Variants in ANKRD11 observed in about 807,000 individuals in gnomAD.
ANKRD11 encodes ankyrin repeat domain 11, also known as ankyrin repeat domain-containing protein 11.
Under a neutral mutation model 195.7 loss-of-function variants are expected in ANKRD11, and 17 were observed. The observed-to-expected ratio is 0.09, with a 90% CI of 0.06 to 0.13. The LOEUF is 0.13. Ranked by LOEUF, ANKRD11 falls within the 10% of genes least tolerant of loss-of-function variation. ANKRD11 has a pLI of 1.00. For synonymous variants in ANKRD11, 1,953 were observed against 1,528.1 expected (o/e 1.28, Z -6.49); for missense variants, 3,735 against 3,566.1 (o/e 1.05, Z -1.21).
intron 2 of ANKRD11, among the ~76,000 whole-genome samples, chr16:89,348,080 C>T (rs760827009): frequency 9.9e-5 from 15 of 152,058 alleles, no homozygotes; most frequent in South Asian, 2.1e-4. Context: ...ACTACAGGCG[C>T]GCCACCCTGC....
chr16:89,350,944 C>A (rs532903129), intron 2 of ANKRD11, among the ~76,000 whole-genome samples: 80 of 152,302 alleles, frequency 5.3e-4, no homozygotes, highest in Admixed American at 1.4e-3. Flanking sequence ...ACAGGCTCTA[C>A]CATGTAGCTT....
chr16:89,293,440 G>A (rs2035196895), intron 4 of ANKRD11, among the ~76,000 whole-genome samples: 1 of 151,596 alleles, frequency 6.6e-6, no homozygotes, highest in Non-Finnish European at 1.5e-5. Context: ...GCAGAGTTGG[G>A]GTTGCGGAGG....
chr16:89,286,294 A>G, intron 7 of ANKRD11, 108 bp from the exon 8 acceptor site: 2 of 1,490,680 alleles, frequency 1.3e-6, no homozygotes, highest in Middle Eastern at 2.4e-4. Context: ...TCGACCCGAG[A>G]GCAGCCCCTC....
chr16:89,376,997 A>G (rs1205488855), intron 2 of ANKRD11, among the ~76,000 whole-genome samples: 1 of 152,212 alleles, frequency 6.6e-6, no homozygotes, highest in Non-Finnish European at 1.5e-5. Flanking sequence ...ACAAGGCTGG[A>G]AAGAACCCCT....
At chr16:89,386,201 T>C (rs2040903166) in intron 2 of ANKRD11, among the ~76,000 whole-genome samples, 1 of 152,034 alleles carries the variant, frequency 6.6e-6, no homozygotes. Context: ...TAAAACAAAA[T>C]GGAAATCCAC....
chr16:89,283,473 T>G lies in ANKRD11; in HGVS notation c.3069A>C (p.Thr1023=), dbSNP rs749876399. 2.5e-5 allele frequency: 41 copies of G among 1,614,222 alleles called. 1 individual carries two copies. In the South Asian group the frequency reaches 4.4e-4, roughly 17 times the overall value. The change falls in exon 9 of 13, where the codon ACA becomes ACC. Residue 1023 remains threonine, a synonymous_variant. Coordinates refer to ENST00000301030, the MANE Select transcript of ANKRD11 (RefSeq NM_013275.6). The surrounding 1 kb of genome is among the most constrained non-coding windows in gnomAD (Gnocchi z 4.3). The part of the protein sequence containing the change: ...DGPDKERKEK[T]KPERYKEKSS... ...ATTTCTCTTTGTATCTTTCTGGTTT[T>G]GTCTTCTCCTTCCTTTCCTTATCGG...
intron 1 of ANKRD11, among the ~76,000 whole-genome samples, chr16:89,489,530 G>A (rs2057739148): frequency 6.6e-6 from 1 of 150,660 alleles, no homozygotes. Flanking sequence ...TCCCCCTCCG[G>A]CTCGGAGCCC....
intron 1 of ANKRD11, among the ~76,000 whole-genome samples, chr16:89,441,567 A>G (rs1336591409): frequency 6.6e-6 from 1 of 152,006 alleles, no homozygotes; most frequent in East Asian, 1.9e-4. Context: ...GCAGATGGAG[A>G]CCATCCTGGC....
At chr16:89,337,631 G>A (rs1380973989) in intron 2 of ANKRD11, among the ~76,000 whole-genome samples, 1 of 151,464 alleles carries the variant, frequency 6.6e-6, no homozygotes, top group Non-Finnish European at 1.5e-5. Context: ...TAGTAGAGAT[G>A]GGGTTTCACC....
chr16:89,279,646 G>A lies in ANKRD11; in HGVS notation c.6896C>T (p.Ala2299Val), dbSNP rs999284780. 1.3e-5 allele frequency: 18 copies of A among 1,439,896 alleles called. No homozygotes were observed. In the African/African-American group the frequency reaches 1.7e-4, roughly 14 times the overall value. The allele number at this position is 1,439,896 out of a possible 1,614,324, so 89.2% of individuals were successfully genotyped here. ...GPEDDTEASR[A>V]AAPAEGPPGG... is the part of the protein sequence containing the mutation. ...AGGAGGGCCTTCGGCTGGGGCGGCGGCACGGGAGGCCTCAGTGTCGTCCTC... is the reference window on the plus strand; with the variant it reads ...AGGAGGGCCTTCGGCTGGGGCGGCGACACGGGAGGCCTCAGTGTCGTCCTC... The change falls in exon 9 of 13, where the codon GCC (alanine) becomes GTC (valine). Residue 2299 changes from alanine (A) to valine (V), a missense_variant. By Grantham distance (64) the Ala-to-Val change is moderately conservative (BLOSUM62 0). Coordinates refer to ENST00000301030, the MANE Select transcript of ANKRD11 (RefSeq NM_013275.6). This position sits in a 1 kb window ranked among gnomAD's most constrained non-coding sequence, Gnocchi z 5.6.
In ANKRD11 at chr16:89,291,214, G is replaced by C. The variant is rs150957259; in HGVS notation, c.227-31C>G. The stretch of plus-strand genomic sequence containing the variant: ...AGGCGGGCGAGGGAGAGAGGGAGGA[G>C]AGATTTCATGCCATGGTGTCCTCCA... On this transcript the variant is annotated intron_variant, in intron 4 of 12. Coordinates refer to ENST00000301030, the MANE Select transcript of ANKRD11 (RefSeq NM_013275.6). This position sits in a 1 kb window ranked among gnomAD's most constrained non-coding sequence, Gnocchi z 5.3. 21 of 1,610,282 alleles carry C rather than the reference G, an allele frequency of 1.3e-5. No individual in the cohort carries two copies. The highest frequency in any genetic ancestry group is 3.3e-4 in the Middle Eastern group (2 of 6,062).
chr16:89,401,897 T>G (rs1322766350), intron 2 of ANKRD11, among the ~76,000 whole-genome samples: 1 of 139,850 alleles, frequency 7.2e-6, no homozygotes, highest in African/African-American at 2.7e-5. Flanking sequence ...CACCAGAGAC[T>G]CCCCCATCCC....
chr16:89,295,050 A>G (rs1204267914), intron 4 of ANKRD11, among the ~76,000 whole-genome samples: 1 of 152,242 alleles, frequency 6.6e-6, no homozygotes, highest in Admixed American at 6.5e-5. Flanking sequence ...AATGGTATTC[A>G]CCAAGTTGCA....
At position 89,283,594 on chromosome 16, in the gene ANKRD11, C is replaced by G. The variant is rs1324787108; in HGVS notation, c.2948G>C (p.Ser983Thr). 2 of 1,610,056 alleles carry G rather than the reference C, an allele frequency of 1.2e-6. No homozygotes were observed. Among genetic ancestry groups the G allele is most frequent in the East Asian group, 4.5e-5 (2 of 44,878 alleles). ...REELKECGCESGFKDKSDGDF... is the reference protein window; with the variant it reads ...REELKECGCETGFKDKSDGDF... ...GCCGTCGGACTTGTCCTTGAAGCCA[C>G]TCTCGCAGCCACACTCCTTCAGCTC... The change falls in exon 9 of 13, where the codon AGT (serine) becomes ACT (threonine). Residue 983 changes from serine to threonine, a missense_variant. Ser to Thr is a moderately conservative substitution (Grantham distance 58, BLOSUM62 1). Coordinates refer to ENST00000301030, the MANE Select transcript of ANKRD11 (RefSeq NM_013275.6). The surrounding 1 kb of genome is among the most constrained non-coding windows in gnomAD (Gnocchi z 4.3).
intron 2 of ANKRD11, among the ~76,000 whole-genome samples, chr16:89,387,074 G>A (rs1378183792): frequency 1.3e-5 from 2 of 152,154 alleles, no homozygotes; most frequent in African/African-American, 4.8e-5. Context: ...AGGAGCCACA[G>A]AAGGCCCCAG....
At chr16:89,401,239 C>T (rs558256466) in intron 2 of ANKRD11, among the ~76,000 whole-genome samples, 6 of 152,170 alleles carry the variant, frequency 3.9e-5, no homozygotes, top group Admixed American at 1.3e-4. Context: ...CCACCACGCC[C>T]GGCTAACATT....
chr16:89,471,943 C>T (rs2057099472), intron 1 of ANKRD11, among the ~76,000 whole-genome samples: 1 of 152,058 alleles, frequency 6.6e-6, no homozygotes, highest in Non-Finnish European at 1.5e-5. Flanking sequence ...CTATGACCCT[C>T]GAGGCATGCA....
intron 1 of ANKRD11, among the ~76,000 whole-genome samples, chr16:89,435,320 G>A (rs2043167397): frequency 6.6e-6 from 1 of 152,180 alleles, no homozygotes. Context: ...CAGTACGTGG[G>A]CAGGGCCGAA....
chr16:89,317,374 A>G (rs1039136520), intron 2 of ANKRD11, among the ~76,000 whole-genome samples: 3 of 152,336 alleles, frequency 2.0e-5, no homozygotes, highest in South Asian at 4.1e-4. Flanking sequence ...GGTGGCAGTC[A>G]GCAGCACCTG....
Sources: allele counts gnomAD v4.1 joint callset (sites outside exome capture counted in the v4.1 genomes callset), GRCh38; gene constraint gnomAD v4.1.1; non-coding constraint Gnocchi (gnomAD v3.1); transcripts MANE v1.5; gene names NCBI Gene and HGNC (gene_info 2026-07-23, HGNC 2026-07-21).